The following ZNF609 variants were observed in gnomAD, a reference collection of about 807,000 sequenced individuals.
The protein encoded by ZNF609 is zinc finger protein 609.
Under a neutral mutation model 109.5 loss-of-function variants are expected in ZNF609, and 11 were observed. The ratio of observed to expected loss-of-function variants is 0.10; its 90% CI spans 0.06 to 0.17. ZNF609 has a LOEUF of 0.17. ZNF609 is among the 10% of genes least tolerant of loss of function. The pLI, the probability that ZNF609 is intolerant of heterozygous loss-of-function variation, is 1.00. For missense variants in ZNF609, 1,559 were observed against 1,772.4 expected (o/e 0.88, Z 2.16); for synonymous variants, 646 against 662.0 (o/e 0.98, Z 0.37).
chr15:64,459,748 C>G (rs1892911352), upstream of ZNF609, among the ~76,000 whole-genome samples: 1 of 152,092 alleles, frequency 6.6e-6, no homozygotes, highest in Non-Finnish European at 1.5e-5. Context: ...AGATGGAAGT[C>G]TTAGGAGGTC....
At chr15:64,599,334 C>G (rs904410453) in intron 2 of ZNF609, among the ~76,000 whole-genome samples, 2 of 152,020 alleles carry the variant, frequency 1.3e-5, no homozygotes, top group Non-Finnish European at 2.9e-5. Context: ...GTCATTCACT[C>G]AGATTTAAGC....
chr15:64,520,532 A>G (rs918676489), intron 2 of ZNF609, among the ~76,000 whole-genome samples: 4 of 152,304 alleles, frequency 2.6e-5, no homozygotes, highest in Middle Eastern at 3.4e-3. Flanking sequence ...TTAGAGAGCC[A>G]GGCTCCCTAA....
intron 3 of ZNF609, among the ~76,000 whole-genome samples, chr15:64,669,710 C>T (rs1348699560): frequency 2.6e-5 from 4 of 152,072 alleles, no homozygotes; most frequent in African/African-American, 9.7e-5. Flanking sequence ...CTCTGTCACC[C>T]ATGCTGGAGT....
chr15:64,544,337 C>A (rs1894322192), intron 2 of ZNF609, among the ~76,000 whole-genome samples: 1 of 151,926 alleles, frequency 6.6e-6, no homozygotes, highest in Admixed American at 6.6e-5. Context: ...AGACTCTGTC[C>A]TAAGAAAAGT....
intron 2 of ZNF609, among the ~76,000 whole-genome samples, chr15:64,536,947 G>C (rs1431879822): frequency 6.8e-6 from 1 of 146,022 alleles, no homozygotes; most frequent in Non-Finnish European, 1.5e-5. Context: ...AAAAGGCCGG[G>C]CACGGTGGCT....
intron 1 of ZNF609, among the ~76,000 whole-genome samples, chr15:64,487,847 G>A (rs1439893953): frequency 6.6e-6 from 1 of 152,052 alleles, no homozygotes; most frequent in Non-Finnish European, 1.5e-5. Context: ...TATTGGCCAG[G>A]CTGGTCTTGA....
intron 2 of ZNF609, among the ~76,000 whole-genome samples, chr15:64,622,579 GGAAGATCATTAA>G (rs746089851): frequency 3.9e-5 from 6 of 152,106 alleles, no homozygotes; most frequent in Non-Finnish European, 5.9e-5. Context: ...CAGTTTATGA[GGAAGATCATTAA>G]GAAGATCATT....
intron 2 of ZNF609, among the ~76,000 whole-genome samples, chr15:64,588,830 G>T (rs1895246776): frequency 6.6e-6 from 1 of 151,966 alleles, no homozygotes; most frequent in African/African-American, 2.4e-5. Flanking sequence ...TAGAGATGGG[G>T]TTTCACCATA....
chr15:64,466,920 C>G (rs947103163), intron 1 of ZNF609, among the ~76,000 whole-genome samples: 1 of 152,118 alleles, frequency 6.6e-6, no homozygotes, highest in Admixed American at 6.6e-5. Flanking sequence ...CTCCTTCTCT[C>G]TCACCCCTTT....
rs1417485684 is a variant in ZNF609 at position 64,683,768 on chromosome 15, ATAT to A, written c.*2084_*2086del. 6.6e-6 allele frequency: 1 copy of A among 152,142 alleles called. No individual in the cohort carries two copies. Among genetic ancestry groups the A allele is most frequent in the African/African-American group, 2.4e-5 (1 of 41,416 alleles). The allele number at this position is 152,142 out of a possible 1,614,324, so 9.4% of individuals were successfully genotyped here. A position where few individuals can be genotyped will look rare whatever the true frequency, so the allele number is the denominator to read the frequency against. ...CCTCTCTGTTCCTGTTTGTTTTTAA[ATAT>A]TGTTGTGTGTTTTGTATCTGTGGCA... On this transcript the variant is annotated 3_prime_UTR_variant, in exon 10 of 10. Transcript: ENST00000326648.
In ZNF609 at chr15:64,522,979, A is replaced by G. The variant is rs1452270976; in HGVS notation, c.747+22813A>G. 2.6e-5 allele frequency among the ~76,000 whole-genome samples: 4 copies of G among 152,158 alleles called. No homozygotes were observed. The East Asian group carries it at 7.7e-4, about 29-fold the overall frequency. The stretch of plus-strand genomic sequence containing the variant: ...TTTTAATACATTGTGGTTAAAAAAA[A>G]AAAAAAAGGAAATTTTGGTGCAATA... On this transcript the variant is annotated intron_variant, in intron 2 of 9. Coordinates refer to ENST00000326648, the MANE Select transcript of ZNF609 (RefSeq NM_015042.2).
At chr15:64,678,032 C>A in intron 5 of ZNF609, 84 bp from the exon 6 acceptor site, 1 of 1,521,862 alleles carries the variant, frequency 6.6e-7, no homozygotes, top group East Asian at 2.3e-5. Flanking sequence ...ATTATCTGCT[C>A]TGGTGGTTCT....
intron 2 of ZNF609, among the ~76,000 whole-genome samples, chr15:64,582,114 G>A (rs1595727359): frequency 6.6e-6 from 1 of 151,946 alleles, no homozygotes; most frequent in East Asian, 1.9e-4. Flanking sequence ...TCCCATAGTC[G>A]TACTCTAGAC....
chr15:64,564,710 T>G (rs1595719989), intron 2 of ZNF609, among the ~76,000 whole-genome samples: 1 of 152,156 alleles, frequency 6.6e-6, no homozygotes, highest in African/African-American at 2.4e-5. Context: ...GTGGCTTCAG[T>G]CTATGGTCTG....
At chr15:64,610,488 C>T (rs973786603) in intron 2 of ZNF609, among the ~76,000 whole-genome samples, 4 of 151,974 alleles carry the variant, frequency 2.6e-5, no homozygotes, top group African/African-American at 7.3e-5. Flanking sequence ...AAGTTAACAA[C>T]AAAAACAACA....
intron 2 of ZNF609, among the ~76,000 whole-genome samples, chr15:64,567,964 A>G (rs1894804398): frequency 6.6e-6 from 1 of 152,156 alleles, no homozygotes; most frequent in Admixed American, 6.5e-5. Context: ...CCCGGCTGAG[A>G]TATTTTCTCC....
intron 3 of ZNF609, among the ~76,000 whole-genome samples, chr15:64,640,723 C>T (rs2140990006): frequency 6.6e-6 from 1 of 152,238 alleles, no homozygotes; most frequent in South Asian, 2.1e-4. Flanking sequence ...CAGAGGACTC[C>T]AGCTGTATAG....
rs1189104820 is a variant in ZNF609, at chr15:64,499,762, G to A, written c.343G>A (p.Ala115Thr). The change falls in exon 2 of 10, where the codon GCA becomes ACA. Residue 115 changes from alanine (A) to threonine (T), a missense_variant. Ala to Thr is a moderately conservative substitution (Grantham distance 58, BLOSUM62 0). Around this residue, in one of 4 missense-constraint regions of ZNF609, gnomAD observed 291 missense variants for 317.8 expected, o/e 0.92. Transcript: ENST00000326648. ...GTSLFTPSEG[A>T]ASKKEVQGRS... Reference sequence around the variant, plus strand: ...TTCCCTGTTCACTCCAAGTGAGGGGGCAGCTAGCAAGAAAGAGGTGCAGGG... The same window carrying A: ...TTCCCTGTTCACTCCAAGTGAGGGGACAGCTAGCAAGAAAGAGGTGCAGGG... 1 of 1,614,068 alleles carries A rather than the reference G, an allele frequency of 6.2e-7. No individual in the cohort carries two copies. The highest frequency in any genetic ancestry group is 8.5e-7 in the Non-Finnish European group (1 of 1,180,012).
chr15:64,675,430 T>C lies in ZNF609; in HGVS notation c.2576T>C (p.Val859Ala). 2 of 1,614,106 alleles carry C rather than the reference T, an allele frequency of 1.2e-6. No homozygotes were observed. Among genetic ancestry groups the C allele is most frequent in the Non-Finnish European group, 1.7e-6 (2 of 1,180,002 alleles). Residue 859 changes from valine to alanine, a missense_variant, in exon 5 of 10, where the codon GTA (valine) becomes GCA (alanine). Val to Ala is a moderately conservative substitution (Grantham distance 64). Around this residue, in one of 4 missense-constraint regions of ZNF609, gnomAD observed 1,204 missense variants for 1,314.1 expected, o/e 0.92. Coordinates refer to ENST00000326648, the MANE Select transcript of ZNF609 (RefSeq NM_015042.2). ...SDAGEDGEGK[V>A]DSVKSKDAEQ... ...GCTGGGGAGGATGGGGAGGGCAAGG[T>C]AGACAGTGTCAAATCAAAGGACGCC...
Sources: allele counts gnomAD v4.1 joint callset (sites outside exome capture counted in the v4.1 genomes callset), GRCh38; gene constraint gnomAD v4.1.1; regional missense constraint gnomAD v4.1.1; transcripts MANE v1.5; gene names NCBI Gene and HGNC (gene_info 2026-07-23, HGNC 2026-07-21).